The following RBFOX1 variants were observed in gnomAD, a reference collection of about 807,000 sequenced individuals.
The protein encoded by RBFOX1 is RNA binding fox-1 homolog 1.
A neutral mutation model predicts 57.7 loss-of-function variants in RBFOX1; 8 were observed. That is an observed-to-expected ratio of 0.14 (90% CI 0.08 to 0.25). The LOEUF (loss-of-function observed/expected upper bound fraction) is 0.25, where lower values mean the gene tolerates loss of function less well. Among genes scored for constraint, RBFOX1 ranks in the 10% least tolerant of loss-of-function variants. The pLI, the probability that RBFOX1 is intolerant of heterozygous loss-of-function variation, is 1.00. For missense variants in RBFOX1, 611 were observed against 548.5 expected (o/e 1.11, Z -1.14); for synonymous variants, 326 against 222.4 (o/e 1.47, Z -4.15).
chr16:6,838,020 T>C (rs1567490195), intron 3 of RBFOX1, among the ~76,000 whole-genome samples: 1 of 150,406 alleles, frequency 6.6e-6, no homozygotes, highest in African/African-American at 2.4e-5. Flanking sequence ...TTTTTTTTTT[T>C]TCCATTTTAC....
At chr16:6,230,828 T>C (rs1001606547) in intron 1 of RBFOX1, among the ~76,000 whole-genome samples, 1 of 152,298 alleles carries the variant, frequency 6.6e-6, no homozygotes, top group South Asian at 2.1e-4. Flanking sequence ...GGAATAGAAA[T>C]GCTAAAGAAA....
At chr16:7,085,250 A>C (rs2059814109) in intron 4 of RBFOX1, among the ~76,000 whole-genome samples, 1 of 152,150 alleles carries the variant, frequency 6.6e-6, no homozygotes, top group South Asian at 2.1e-4. Flanking sequence ...TGCAAACTAG[A>C]GAACTGGAAC....
At chr16:5,455,616 T>A (rs1197036232) in intron 1 of RBFOX1, among the ~76,000 whole-genome samples, 1 of 152,230 alleles carries the variant, frequency 6.6e-6, no homozygotes, top group African/African-American at 2.4e-5. Flanking sequence ...ATTTTACTCA[T>A]CTGGATTCCC....
chr16:6,920,454 G>T (rs890297770), intron 3 of RBFOX1, among the ~76,000 whole-genome samples: 2 of 152,170 alleles, frequency 1.3e-5, no homozygotes, highest in African/African-American at 4.8e-5. Context: ...ATACGAAAAA[G>T]TTAGATGTGT....
chr16:6,108,974 C>G (rs76601928), intron 1 of RBFOX1, among the ~76,000 whole-genome samples: 2,355 of 152,312 alleles, frequency 0.015, 67 homozygotes, highest in African/African-American at 0.053. Flanking sequence ...ACCCTTTTCT[C>G]TCACAAGTTA....
At chr16:5,556,878 C>T (rs11645142) in intron 2 of RBFOX1, among the ~76,000 whole-genome samples, 57,856 of 151,836 alleles carry the variant, frequency 0.38, 11,298 homozygotes, top group Non-Finnish European at 0.42. Flanking sequence ...TTTATATGTC[C>T]ATTTTATAGG....
chr16:6,367,181 C>T (rs2089759613), intron 2 of RBFOX1, among the ~76,000 whole-genome samples: 1 of 152,230 alleles, frequency 6.6e-6, no homozygotes, highest in South Asian at 2.1e-4. Flanking sequence ...GGAACACATA[C>T]ACAGGTTATG....
At chr16:6,909,491 A>C (rs2070995668) in intron 3 of RBFOX1, among the ~76,000 whole-genome samples, 1 of 152,208 alleles carries the variant, frequency 6.6e-6, no homozygotes, top group Non-Finnish European at 1.5e-5. Context: ...GGCATGAGAC[A>C]AGATTCTGTC....
chr16:7,165,447 G>C (rs1422489424), intron 4 of RBFOX1, among the ~76,000 whole-genome samples: 1 of 143,598 alleles, frequency 7.0e-6, no homozygotes, highest in East Asian at 2.0e-4. Context: ...TTTACCATTT[G>C]AGATGGAGTT....
intron 3 of RBFOX1, among the ~76,000 whole-genome samples, chr16:6,678,213 T>A (rs1235595346): frequency 6.6e-6 from 1 of 152,208 alleles, no homozygotes; most frequent in African/African-American, 2.4e-5. Context: ...AGCCTCTGCC[T>A]CCTTGAGTTC....
At chr16:6,728,757 T>G (rs1200512040) in intron 3 of RBFOX1, among the ~76,000 whole-genome samples, 2 of 152,192 alleles carry the variant, frequency 1.3e-5, no homozygotes, top group East Asian at 3.8e-4. Flanking sequence ...CTCCTTACCT[T>G]CTGAATTTCA....
At chr16:5,964,410 A>C (rs368038658) in intron 4 of RBFOX1, among the ~76,000 whole-genome samples, 7 of 152,186 alleles carry the variant, frequency 4.6e-5, no homozygotes, top group African/African-American at 9.7e-5. Context: ...AATCCAAAGG[A>C]AATAAAGAGA....
At chr16:7,178,005 T>G (rs1028064671) in intron 4 of RBFOX1, among the ~76,000 whole-genome samples, 2 of 152,308 alleles carry the variant, frequency 1.3e-5, no homozygotes, top group African/African-American at 4.8e-5. Flanking sequence ...ACCTATTGAT[T>G]CAGAATCTCT....
intron 3 of RBFOX1, among the ~76,000 whole-genome samples, chr16:6,747,160 A>C (rs1477923546): frequency 6.6e-6 from 1 of 152,156 alleles, no homozygotes; most frequent in Non-Finnish European, 1.5e-5. Context: ...CTATAATCCC[A>C]ACACTTTGGG....
intron 4 of RBFOX1, among the ~76,000 whole-genome samples, chr16:7,348,348 C>A (rs935322821): frequency 6.6e-6 from 1 of 152,126 alleles, no homozygotes; most frequent in African/African-American, 2.4e-5. Context: ...GTAAAACTTG[C>A]AAGCAGCTGG....
chr16:5,960,331 T>C (rs1265122388), intron 4 of RBFOX1, among the ~76,000 whole-genome samples: 3 of 152,226 alleles, frequency 2.0e-5, no homozygotes, highest in African/African-American at 7.2e-5. Context: ...AAAGAAGTTA[T>C]TATTTATTCA....
intron 3 of RBFOX1, among the ~76,000 whole-genome samples, chr16:6,988,895 C>T (rs1224558472): frequency 6.6e-6 from 1 of 152,036 alleles, no homozygotes; most frequent in African/African-American, 2.4e-5. Flanking sequence ...CCTTAGCCTC[C>T]TAAGTAGCTG....
chr16:6,828,838 C>A (rs187044331), intron 3 of RBFOX1, among the ~76,000 whole-genome samples: 1 of 152,064 alleles, frequency 6.6e-6, no homozygotes. Flanking sequence ...AAATTTCCAC[C>A]CTTTCCCAGG....
chr16:6,742,589 C>G (rs2072517756), intron 3 of RBFOX1, among the ~76,000 whole-genome samples: 1 of 152,122 alleles, frequency 6.6e-6, no homozygotes, highest in South Asian at 2.1e-4. Flanking sequence ...ACCAAAATAT[C>G]TACAGTAGGT....
Sources: allele counts gnomAD v4.1 joint callset (sites outside exome capture counted in the v4.1 genomes callset), GRCh38; gene constraint gnomAD v4.1.1; transcripts MANE v1.5; gene names NCBI Gene and HGNC (gene_info 2026-07-23, HGNC 2026-07-21).